Variants in PRKG1 observed in about 807,000 individuals in gnomAD.
The protein encoded by PRKG1 is cGMP-dependent protein kinase 1.
In PRKG1, 35 loss-of-function variants were observed where a neutral mutation model predicts 88.1. The observed-to-expected ratio is 0.40, with a 90% CI of 0.30 to 0.53. PRKG1 has a LOEUF of 0.53. Ranked by LOEUF, PRKG1 falls within the 20% of genes least tolerant of loss-of-function variation. The probability of loss-of-function intolerance (pLI) is 0.59; values close to 1 mark genes in which losing one functional copy is unlikely to be tolerated. For synonymous variants in PRKG1, 303 were observed against 292.5 expected (o/e 1.04, Z -0.37); for missense variants, 540 against 839.8 (o/e 0.64, Z 4.41).
chr10:51,067,006 T>G (rs1843758757), intron 1 of PRKG1, among the ~76,000 whole-genome samples: 1 of 152,090 alleles, frequency 6.6e-6, no homozygotes, highest in Admixed American at 6.5e-5. Context: ...CCTGTCACTT[T>G]GAATATTTTC....
intron 5 of PRKG1, among the ~76,000 whole-genome samples, chr10:52,014,135 G>A (rs950964133): frequency 4.6e-5 from 7 of 152,080 alleles, no homozygotes; most frequent in Admixed American, 4.6e-4. Context: ...AAGAAGAAGA[G>A]GTATTTCAAA....
intron 2 of PRKG1, among the ~76,000 whole-genome samples, chr10:51,249,301 A>G (rs1839371088): frequency 6.6e-6 from 1 of 151,932 alleles, no homozygotes. Flanking sequence ...AGCAACGCAT[A>G]TATTATAGAA....
At chr10:52,172,751 C>A (rs1341496664) in intron 9 of PRKG1, among the ~76,000 whole-genome samples, 1 of 152,102 alleles carries the variant, frequency 6.6e-6, no homozygotes, top group African/African-American at 2.4e-5. Flanking sequence ...AATGTTTGAA[C>A]CTAGTGAGTG....
intron 3 of PRKG1, among the ~76,000 whole-genome samples, chr10:51,627,286 G>GA (rs539234801): frequency 5.9e-5 from 9 of 151,744 alleles, no homozygotes; most frequent in Non-Finnish European, 1.2e-4. Context: ...GGGATACATG[G>GA]AAAAAAAATG....
chr10:51,410,839 A>G (rs1791755854), intron 2 of PRKG1, among the ~76,000 whole-genome samples: 1 of 151,530 alleles, frequency 6.6e-6, no homozygotes, highest in Non-Finnish European at 1.5e-5. Context: ...ATATAAATAT[A>G]CACTTGTAGT....
At chr10:52,239,556 A>T in intron 9 of PRKG1, among the ~76,000 whole-genome samples, 1 of 144,966 alleles carries the variant, frequency 6.9e-6, no homozygotes, top group South Asian at 2.2e-4. Context: ...GAATTGTCAT[A>T]ATAGGCCTGA....
At chr10:51,154,912 A>G (rs1017517147) in intron 2 of PRKG1, among the ~76,000 whole-genome samples, 11 of 151,978 alleles carry the variant, frequency 7.2e-5, no homozygotes, top group Admixed American at 5.9e-4. Flanking sequence ...AAATATATAG[A>G]GGTCAAGTAT....
intron 3 of PRKG1, among the ~76,000 whole-genome samples, chr10:51,473,136 G>C (rs112356885): frequency 4.4e-4 from 67 of 151,938 alleles, no homozygotes; most frequent in African/African-American, 1.5e-3. Flanking sequence ...AATTTTCATT[G>C]CATTTATCTA....
At chr10:52,291,223 C>T (rs975304089) in intron 17 of PRKG1, among the ~76,000 whole-genome samples, 83 of 149,918 alleles carry the variant, frequency 5.5e-4, no homozygotes, top group African/African-American at 1.9e-3. Flanking sequence ...GCTGGGCCTA[C>T]GTGATCACTC....
intron 7 of PRKG1, among the ~76,000 whole-genome samples, chr10:52,101,999 A>T (rs1273860088): frequency 2.0e-5 from 3 of 152,170 alleles, no homozygotes; most frequent in African/African-American, 7.2e-5. Flanking sequence ...CTCTATAAAG[A>T]TGCTAAACCC....
chr10:51,535,569 A>G (rs1277141489), intron 3 of PRKG1, among the ~76,000 whole-genome samples: 1 of 152,204 alleles, frequency 6.6e-6, no homozygotes, highest in Non-Finnish European at 1.5e-5. Flanking sequence ...TTTATCTTTT[A>G]TCTTTTTCTT....
chr10:51,162,497 C>T (rs756747551), intron 2 of PRKG1, among the ~76,000 whole-genome samples: 22 of 152,070 alleles, frequency 1.4e-4, no homozygotes, highest in Non-Finnish European at 1.9e-4. Flanking sequence ...TGGTGGATGA[C>T]GTAAAATGGT....
intron 7 of PRKG1, among the ~76,000 whole-genome samples, chr10:52,087,399 T>A (rs936887003): frequency 1.3e-5 from 2 of 152,198 alleles, no homozygotes; most frequent in Admixed American, 1.3e-4. Context: ...GTTTCTTATC[T>A]ATTAGAAAAT....
intron 3 of PRKG1, among the ~76,000 whole-genome samples, chr10:51,688,198 G>A (rs1841042977): frequency 6.6e-6 from 1 of 151,778 alleles, no homozygotes; most frequent in Non-Finnish European, 1.5e-5. Flanking sequence ...GGATCCTTGG[G>A]GATCTTATTA....
chr10:51,521,975 A>C (rs1841748092), intron 3 of PRKG1, among the ~76,000 whole-genome samples: 1 of 152,120 alleles, frequency 6.6e-6, no homozygotes. Context: ...ACAGCATGGG[A>C]GTCAGAAAAA....
intron 2 of PRKG1, among the ~76,000 whole-genome samples, chr10:51,409,695 A>G (rs1838022850): frequency 6.6e-6 from 1 of 151,870 alleles, no homozygotes; most frequent in Non-Finnish European, 1.5e-5. Context: ...TCTACTAAAA[A>G]TGCAAAAAAA....
At chr10:51,127,078 A>T (rs1845445958) in intron 1 of PRKG1, among the ~76,000 whole-genome samples, 1 of 152,230 alleles carries the variant, frequency 6.6e-6, no homozygotes, top group Non-Finnish European at 1.5e-5. Flanking sequence ...GAAAACGCCA[A>T]AAACGATTGC....
At chr10:52,288,653 G>C in intron 14 of PRKG1, 73 bp from the exon 15 acceptor site, 5 of 1,446,200 alleles carry the variant, frequency 3.5e-6, no homozygotes, top group Non-Finnish European at 4.6e-6. Flanking sequence ...CATCTGTGGA[G>C]TTTATAGCAA....
At chr10:51,914,390 G>A (rs1387417694) in intron 5 of PRKG1, among the ~76,000 whole-genome samples, 1 of 152,052 alleles carries the variant, frequency 6.6e-6, no homozygotes. Context: ...CACAAATGGG[G>A]GAGTAAAAGT....
Sources: allele counts gnomAD v4.1 joint callset (sites outside exome capture counted in the v4.1 genomes callset), GRCh38; gene constraint gnomAD v4.1.1; transcripts MANE v1.5; gene names NCBI Gene and HGNC (gene_info 2026-07-23, HGNC 2026-07-21).